The following KCTD19 variants were observed in gnomAD, a reference collection of about 807,000 sequenced individuals.
KCTD19 encodes the protein BTB/POZ domain-containing protein KCTD19.
KCTD19 carries 67 observed loss-of-function variants against 103.5 expected under a neutral mutation model. The observed-to-expected ratio is 0.65, with a 90% CI of 0.53 to 0.79. The LOEUF (loss-of-function observed/expected upper bound fraction) is 0.79. KCTD19 is among the 30% of genes least tolerant of loss of function. The probability of loss-of-function intolerance (pLI) is 0.00; values close to 1 mark genes in which losing one functional copy is unlikely to be tolerated. For missense variants in KCTD19, 980 were observed against 1,136.1 expected, an observed-to-expected ratio of 0.86 and a Z score of 1.98; for synonymous variants, 439 against 452.2, an observed-to-expected ratio of 0.97 and a Z score of 0.37.
chr16:67,290,323 G>A (rs2036668836), intron 15 of KCTD19, among the ~76,000 whole-genome samples: 3 of 151,784 alleles, frequency 2.0e-5, no homozygotes, highest in South Asian at 2.1e-4. Context: ...GACTACAGGC[G>A]CCCACCACCA....
rs572214166 is a variant in KCTD19 at position 67,293,437 on chromosome 16, G to T, written c.2218+107C>A. 1.3e-5 allele frequency: 16 copies of T among 1,217,244 alleles called. No individual in the cohort carries two copies. In the African/African-American group the frequency reaches 2.0e-4, roughly 15 times the overall value. 75.4% of individuals were successfully genotyped at this position (1,217,244 alleles called of 1,614,324 possible). A position where few individuals can be genotyped will look rare whatever the true frequency, so the allele number is the denominator to read the frequency against. ...TGGCACAGAGATGGCATTGGTGAGC[G>T]GGGGGGTCTAGTCCTCCTTTGTCAC... On this transcript the variant is annotated intron_variant, in intron 12 of 15. Coordinates refer to ENST00000304372, the MANE Select transcript of KCTD19 (RefSeq NM_001100915.3). The surrounding 1 kb of genome is among the most constrained non-coding windows in gnomAD (Gnocchi z 4.0).
chr16:67,311,459 C>A (rs746190139), intron 2 of KCTD19, among the ~76,000 whole-genome samples: 26 of 152,070 alleles, frequency 1.7e-4, no homozygotes, highest in Non-Finnish European at 3.4e-4. Flanking sequence ...CCTGCCACCA[C>A]GCCTGGCTAA....
chr16:67,324,271 T>C (rs2037106337), intron 1 of KCTD19, among the ~76,000 whole-genome samples: 1 of 152,180 alleles, frequency 6.6e-6, no homozygotes, highest in Non-Finnish European at 1.5e-5. Context: ...CCATATCAAA[T>C]TTTAAAATAA....
rs766653808 is a variant in KCTD19 at position 67,294,732 on chromosome 16, C to T, written c.1476-38G>A. ...AGAGGGGTTGGTTAGTGAGTAGAGA[C>T]TTCCATCAGGCCATTGGCCAGTTGG... On this transcript the variant is annotated intron_variant, in intron 10 of 15. Transcript: ENST00000304372. 4.8e-5 allele frequency: 69 copies of T among 1,433,108 alleles called. 1 individual carries two copies. Among genetic ancestry groups the T allele is most frequent in the Non-Finnish European group, 6.4e-5 (65 of 1,014,880 alleles). 88.8% of individuals were successfully genotyped at this position (1,433,108 alleles called of 1,614,324 possible).
intron 2 of KCTD19, among the ~76,000 whole-genome samples, chr16:67,309,479 T>G (rs1255948470): frequency 6.6e-6 from 1 of 151,952 alleles, no homozygotes; most frequent in African/African-American, 2.4e-5. Context: ...TTGGGTCTGA[T>G]TTGTGATGGA....
At chr16:67,289,938 T>C (rs1597390567) in intron 15 of KCTD19, among the ~76,000 whole-genome samples, 1 of 152,214 alleles carries the variant, frequency 6.6e-6, no homozygotes, top group Non-Finnish European at 1.5e-5. Flanking sequence ...TAGCCATACA[T>C]GCTGACTTCA....
At chr16:67,298,921 G>GCCTGGCCTGC (rs1223561568) in intron 6 of KCTD19, among the ~76,000 whole-genome samples, 1 of 152,230 alleles carries the variant, frequency 6.6e-6, no homozygotes, top group Non-Finnish European at 1.5e-5. Context: ...GCCTGGCCTG[G>GCCTGGCCTGC]CCTGGCCTGC....
In KCTD19 at chr16:67,320,540, T is replaced by G. The variant is rs776633776; in HGVS notation, c.300+49A>C. On this transcript the variant is annotated intron_variant, in intron 2 of 15. Coordinates refer to ENST00000304372, the MANE Select transcript of KCTD19 (RefSeq NM_001100915.3). The surrounding 1 kb of genome is among the most constrained non-coding windows in gnomAD (Gnocchi z 4.0). ...TAACAGGAAACAATATTTAGTGATG[T>G]AAAGCCATGTTACTGATCCACCACT... The G allele has an allele frequency of 8.9e-6, 14 of 1,567,208 alleles. No individual in the cohort carries two copies. In the East Asian group the frequency reaches 3.1e-4, roughly 35 times the overall value.
At chr16:67,313,210 A>G (rs928197394) in intron 2 of KCTD19, among the ~76,000 whole-genome samples, 1 of 151,948 alleles carries the variant, frequency 6.6e-6, no homozygotes, top group Non-Finnish European at 1.5e-5. Context: ...CCTAGGTTCA[A>G]GCGATTCTCT....
intron 7 of KCTD19, among the ~76,000 whole-genome samples, chr16:67,296,740 G>T (rs2036769402): frequency 6.6e-6 from 1 of 152,162 alleles, no homozygotes; most frequent in African/African-American, 2.4e-5. Flanking sequence ...CTGGAAAGAT[G>T]AACCCATAAC....
rs752273012 is a variant in KCTD19, at chr16:67,296,135, C to T, written c.1248+24G>A. The T allele has an allele frequency of 2.8e-6, 4 of 1,419,508 alleles. No individual in the cohort carries two copies. In the East Asian group the frequency reaches 9.1e-5, roughly 32 times the overall value. The allele number at this position is 1,419,508 out of a possible 1,614,324, so 87.9% of individuals were successfully genotyped here. On this transcript the variant is annotated intron_variant, in intron 8 of 15. Transcript: ENST00000304372. ...TCAGGTGGTGATGCCAGATGGGGAG[C>T]AGGGCAGCCGAGGCCGTCAGTACCT...
At chr16:67,315,838 C>T (rs1392183640) in intron 2 of KCTD19, among the ~76,000 whole-genome samples, 5 of 151,684 alleles carry the variant, frequency 3.3e-5, no homozygotes, top group African/African-American at 4.8e-5. Flanking sequence ...TGGTCTCCAA[C>T]CCTGACCTCA....
At chr16:67,318,082 T>G (rs2037031397) in intron 2 of KCTD19, among the ~76,000 whole-genome samples, 1 of 152,248 alleles carries the variant, frequency 6.6e-6, no homozygotes, top group African/African-American at 2.4e-5. Context: ...AAACACCATT[T>G]CACTTGGGCC....
chr16:67,295,182 G>T, intron 9 of KCTD19, 81 bp downstream of exon 9: 1 of 1,574,660 alleles, frequency 6.4e-7, no homozygotes. Flanking sequence ...CTCCCTGAAG[G>T]CTGCAACTCA....
At chr16:67,321,363 A>G (rs2037070953) in intron 1 of KCTD19, among the ~76,000 whole-genome samples, 1 of 152,242 alleles carries the variant, frequency 6.6e-6, no homozygotes, top group Non-Finnish European at 1.5e-5. Context: ...TAAATTTAAC[A>G]AAAGAATGAA....
At chr16:67,299,330 A>T (rs755022564) in intron 6 of KCTD19, 33 bp downstream of exon 6, 3 of 1,597,748 alleles carry the variant, frequency 1.9e-6, no homozygotes, top group Non-Finnish European at 2.6e-6. Flanking sequence ...GCCAAGGGTG[A>T]TGGGACTCAG....
Position 67,303,108 on chromosome 16 carries a change from C to CGGGGGGGGGGGGGGGGGG in KCTD19, c.643+37_643+38insCCCCCCCCCCCCCCCCCC. On this transcript the variant is annotated intron_variant, in intron 4 of 15. Transcript: ENST00000304372. This position sits in a 1 kb window ranked among gnomAD's most constrained non-coding sequence, Gnocchi z 4.3. ...ATGGGGAGGGGTGAATGGGCCCTAT[C>CGGGGGGGGGGGGGGGGGG]AGCCCGCCCCCCACCCCACCCCGGA... 4 of 798,078 alleles carry CGGGGGGGGGGGGGGGGGG rather than the reference C, an allele frequency of 5.0e-6. No homozygotes were observed. Among genetic ancestry groups the CGGGGGGGGGGGGGGGGGG allele is most frequent in the Non-Finnish European group, 4.2e-6 (2 of 476,660 alleles). The allele number at this position is 798,078 out of a possible 1,614,324, so 49.4% of individuals were successfully genotyped here. A position where few individuals can be genotyped will look rare whatever the true frequency, so the allele number is the denominator to read the frequency against.
Position 67,320,241 on chromosome 16 carries a change from C to T in KCTD19, c.300+348G>A, listed in dbSNP as rs539704696. On this transcript the variant is annotated intron_variant, in intron 2 of 15. Transcript: ENST00000304372. This position sits in a 1 kb window ranked among gnomAD's most constrained non-coding sequence, Gnocchi z 4.0. The stretch of plus-strand genomic sequence containing the variant: ...ATCTGGTCAACATGGAAAGGATTGG[C>T]CGGGCATGGTGGCATGCACCTGTGT... Among the ~76,000 whole-genome samples, 2 of 152,218 alleles carry T rather than the reference C, an allele frequency of 1.3e-5. No homozygotes were observed. The highest frequency in any genetic ancestry group is 4.2e-4 in the South Asian group (2 of 4,818).
In KCTD19 at chr16:67,289,495, C is replaced by T. The variant is rs923331497; in HGVS notation, c.*74G>A. 3 of 837,824 alleles carry T rather than the reference C, an allele frequency of 3.6e-6. No individual in the cohort carries two copies. Among genetic ancestry groups the T allele is most frequent in the Non-Finnish European group, 6.2e-6 (3 of 484,834 alleles). The allele number at this position is 837,824 out of a possible 1,614,324, so 51.9% of individuals were successfully genotyped here. ...ACTGATATGTACCCTCTGATGGGCA[C>T]ATGCATTCTGGGCTATCTCCAATTA... On this transcript the variant is annotated 3_prime_UTR_variant, in exon 16 of 16. Coordinates refer to ENST00000304372, the MANE Select transcript of KCTD19 (RefSeq NM_001100915.3).
Sources: allele counts gnomAD v4.1 joint callset (sites outside exome capture counted in the v4.1 genomes callset), GRCh38; gene constraint gnomAD v4.1.1; non-coding constraint Gnocchi (gnomAD v3.1); transcripts MANE v1.5; gene names NCBI Gene and HGNC (gene_info 2026-07-23, HGNC 2026-07-21).